The following PDE4D variants were observed in gnomAD, a reference collection of about 807,000 sequenced individuals.
The protein encoded by PDE4D is 3',5'-cyclic-AMP phosphodiesterase 4D.
In PDE4D, 24 loss-of-function variants were observed where a neutral mutation model predicts 87.4. The observed-to-expected ratio is 0.27, with a 90% CI of 0.20 to 0.39. The LOEUF (loss-of-function observed/expected upper bound fraction) is 0.39. Among genes scored for constraint, PDE4D ranks in the 10% least tolerant of loss-of-function variants. The pLI is 1.00. For synonymous variants in PDE4D, 384 were observed against 383.2 expected, an observed-to-expected ratio of 1.00 and a Z score of -0.02; for missense variants, 714 against 1,041.0, an observed-to-expected ratio of 0.69 and a Z score of 4.32.
intron 1 of PDE4D, among the ~76,000 whole-genome samples, chr5:59,839,899 A>G (rs958782351): frequency 1.3e-5 from 2 of 152,058 alleles, no homozygotes; most frequent in Non-Finnish European, 2.9e-5. Context: ...CTATATGTGT[A>G]GCTAAGTGTT....
intron 1 of PDE4D, among the ~76,000 whole-genome samples, chr5:59,262,640 C>T (rs1446170382): frequency 1.3e-5 from 2 of 151,850 alleles, no homozygotes; most frequent in Non-Finnish European, 2.9e-5. Flanking sequence ...GGTTCAGCAT[C>T]CCTCCTGTGG....
At chr5:60,340,505 C>T (rs1458893595) in intron 1 of PDE4D, among the ~76,000 whole-genome samples, 1 of 151,568 alleles carries the variant, frequency 6.6e-6, no homozygotes, top group Non-Finnish European at 1.5e-5. Flanking sequence ...CCTCCCACAT[C>T]TCCAAGAAAT....
chr5:59,905,616 G>A (rs1752730328), intron 3 of PDE4D, among the ~76,000 whole-genome samples: 1 of 151,972 alleles, frequency 6.6e-6, no homozygotes, highest in African/African-American at 2.4e-5. Flanking sequence ...TTTTTTCATC[G>A]ATGAAAATAA....
At chr5:59,807,161 C>T (rs1767828887) in intron 1 of PDE4D, among the ~76,000 whole-genome samples, 1 of 152,130 alleles carries the variant, frequency 6.6e-6, no homozygotes, top group African/African-American at 2.4e-5. Flanking sequence ...GCATCTAAGC[C>T]ACTTGGGTTC....
intron 1 of PDE4D, among the ~76,000 whole-genome samples, chr5:59,762,578 A>G (rs540876222): frequency 1.4e-5 from 2 of 144,206 alleles, no homozygotes; most frequent in Admixed American, 6.9e-5. Flanking sequence ...ATATGTGTAT[A>G]TGGGTACACA....
chr5:60,012,350 C>A (rs1765096014), intron 2 of PDE4D, among the ~76,000 whole-genome samples: 1 of 152,136 alleles, frequency 6.6e-6, no homozygotes, highest in Non-Finnish European at 1.5e-5. Context: ...CTCTACTTTT[C>A]TTAAACATGA....
intron 1 of PDE4D, among the ~76,000 whole-genome samples, chr5:59,267,307 T>G (rs1011590909): frequency 6.6e-6 from 1 of 152,104 alleles, no homozygotes; most frequent in Non-Finnish European, 1.5e-5. Flanking sequence ...TGTGCCACAT[T>G]GCAATGGAAT....
At chr5:59,380,578 C>T (rs887697222) in intron 1 of PDE4D, among the ~76,000 whole-genome samples, 1 of 152,164 alleles carries the variant, frequency 6.6e-6, no homozygotes, top group Non-Finnish European at 1.5e-5. Flanking sequence ...CATCGCTCTA[C>T]TTCAGGCAGT....
At chr5:59,386,488 C>T (rs372152133) in intron 1 of PDE4D, among the ~76,000 whole-genome samples, 17 of 152,048 alleles carry the variant, frequency 1.1e-4, no homozygotes, top group Admixed American at 3.3e-4. Context: ...CCCCTGTAGA[C>T]GGCAGTTAAT....
At chr5:60,061,282 T>C (rs13184535) in intron 2 of PDE4D, among the ~76,000 whole-genome samples, 75,295 of 151,670 alleles carry the variant, frequency 0.5, 19,112 homozygotes, top group East Asian at 0.83. Context: ...TTCTTTACAC[T>C]AACAATAGAC....
Position 59,920,476 on chromosome 5 carries a change from GA to G in PDE4D, c.272+68011del, listed in dbSNP as rs150087306. 3.1e-3 allele frequency among the ~76,000 whole-genome samples: 476 copies of G among 152,210 alleles called. 3 individuals are homozygous for G. Among genetic ancestry groups the G allele is most frequent in the African/African-American group, 0.011 (445 of 41,516 alleles). ...TATATTTGCAGCTAAAAATATATTG[GA>G]AAACCTTCTTCAGCTGAAACAGGGA... On this transcript the variant is annotated intron_variant, in intron 3 of 16. Coordinates refer to the PDE4D transcript ENST00000502484.
chr5:59,118,002 T>G (rs149973617), intron 5 of PDE4D, among the ~76,000 whole-genome samples: 2 of 152,118 alleles, frequency 1.3e-5, no homozygotes, highest in Admixed American at 6.6e-5. Flanking sequence ...TCTCAAGGAG[T>G]TAAATTCCAA....
chr5:58,974,955 A>C lies in PDE4D; in HGVS notation c.2139T>G (p.Pro713=), dbSNP rs765483429. Residue 713 remains proline (P), a synonymous_variant, in exon 15 of 15, where the codon CCT becomes CCG. Coordinates refer to ENST00000340635, the MANE Select transcript of PDE4D (RefSeq NM_001104631.2). ...CATCAGGTGCAGGAGAGGGGCTCTGAGGGATTGTGCTCTGGTACCATTCAC... is the reference window on the plus strand; with the variant it reads ...CATCAGGTGCAGGAGAGGGGCTCTGCGGGATTGTGCTCTGGTACCATTCAC... ...DNREWYQSTI[P]QSPSPAPDDP... 1 of 1,613,370 alleles carries C rather than the reference A, an allele frequency of 6.2e-7. No individual in the cohort carries two copies. The highest frequency in any genetic ancestry group is 1.1e-5 in the South Asian group (1 of 90,996).
intron 1 of PDE4D, among the ~76,000 whole-genome samples, chr5:59,307,646 C>G (rs1262487955): frequency 1.3e-5 from 2 of 150,982 alleles, no homozygotes; most frequent in African/African-American, 4.9e-5. Flanking sequence ...AAATGCAAAT[C>G]AAAACCACAA....
At chr5:59,612,081 T>G (rs1321468585) in intron 1 of PDE4D, among the ~76,000 whole-genome samples, 1 of 152,218 alleles carries the variant, frequency 6.6e-6, no homozygotes, top group Admixed American at 6.5e-5. Context: ...TGAGTTTTTC[T>G]TTAGAACTGC....
chr5:59,816,983 A>G (rs964150110), intron 1 of PDE4D, among the ~76,000 whole-genome samples: 1 of 152,154 alleles, frequency 6.6e-6, no homozygotes, highest in Admixed American at 6.5e-5. Flanking sequence ...TGATTCGTGG[A>G]GGGCAGTGTC....
intron 6 of PDE4D, among the ~76,000 whole-genome samples, chr5:59,036,632 CT>C (rs1383712673): frequency 4.6e-5 from 7 of 152,004 alleles, no homozygotes; most frequent in African/African-American, 1.7e-4. Context: ...TTAGCAAGAG[CT>C]TTTTTTTCTT....
intron 1 of PDE4D, among the ~76,000 whole-genome samples, chr5:59,607,914 AAG>A (rs1169089892): frequency 1.3e-5 from 2 of 152,234 alleles, no homozygotes; most frequent in Admixed American, 6.5e-5. Context: ...TTCCATAGAT[AAG>A]GCTCTTTCAA....
At chr5:60,006,412 A>G (rs1181080536) in intron 2 of PDE4D, among the ~76,000 whole-genome samples, 1 of 151,908 alleles carries the variant, frequency 6.6e-6, no homozygotes, top group Admixed American at 6.6e-5. Context: ...AGAAGGAGAA[A>G]TAAGGTGCTG....
Sources: gnomAD v4.1 joint callset for allele counts (sites outside exome capture counted in the v4.1 genomes callset) on GRCh38, gnomAD v4.1.1 for gene constraint, MANE v1.5 for transcripts, NCBI Gene and HGNC (gene_info 2026-07-23, HGNC 2026-07-21) for gene names.